Variants in PLCB1 observed in about 807,000 individuals in gnomAD.
PLCB1 encodes 1-phosphatidylinositol 4,5-bisphosphate phosphodiesterase beta-1.
Under a neutral mutation model 161.8 loss-of-function variants are expected in PLCB1, and 46 were observed. The ratio of observed to expected loss-of-function variants is 0.28; its 90% CI spans 0.22 to 0.36. The LOEUF is 0.36. Ranked by LOEUF, PLCB1 falls within the 10% of genes least tolerant of loss-of-function variation. PLCB1 has a pLI of 1.00. For synonymous variants in PLCB1, 517 were observed against 503.7 expected (o/e 1.03, Z -0.35); for missense variants, 1,016 against 1,472.5 (o/e 0.69, Z 5.07).
At position 8,470,490 on chromosome 20, in the gene PLCB1, C is replaced by T. The variant is rs1982004394; in HGVS notation, c.246+99040C>T. 2.6e-5 allele frequency among the ~76,000 whole-genome samples: 4 copies of T among 152,210 alleles called. No homozygotes were observed. The South Asian group carries it at 8.3e-4, about 32-fold the overall frequency. On this transcript the variant is annotated intron_variant, in intron 3 of 31. Transcript: ENST00000338037. ...GGTATCTTGTTGTGGTTTTGATGTG[C>T]ATTTCCCTAATCCTAGTGATGCTGA...
chr20:8,315,164 CAGGGATCCTGT>C (rs1984582647), intron 2 of PLCB1, among the ~76,000 whole-genome samples: 1 of 152,134 alleles, frequency 6.6e-6, no homozygotes, highest in Admixed American at 6.5e-5. Flanking sequence ...TTGGACTAAG[CAGGGATCCTGT>C]AGGAGAAGCT....
At chr20:8,344,508 C>G (rs1341732492) in intron 2 of PLCB1, among the ~76,000 whole-genome samples, 1 of 152,208 alleles carries the variant, frequency 6.6e-6, no homozygotes, top group Non-Finnish European at 1.5e-5. Context: ...TTATTATTTT[C>G]CCATTTCATG....
At chr20:8,867,347 G>A (rs1047966755) in intron 31 of PLCB1, among the ~76,000 whole-genome samples, 2 of 152,224 alleles carry the variant, frequency 1.3e-5, no homozygotes, top group Non-Finnish European at 2.9e-5. Context: ...TGGGACTCCA[G>A]GTTCTCTGAG....
chr20:8,367,927 C>T (rs1315648498), intron 2 of PLCB1, among the ~76,000 whole-genome samples: 1 of 152,276 alleles, frequency 6.6e-6, no homozygotes, highest in East Asian at 1.9e-4. Context: ...TTTGAATCAT[C>T]GCTTTGTAGC....
chr20:8,684,855 GAAA>G (rs61201694), intron 9 of PLCB1, 74 bp from the exon 10 acceptor site: 805 of 974,950 alleles, frequency 8.3e-4, no homozygotes, highest in Admixed American at 1.3e-3. Flanking sequence ...GATATTTCTG[GAAA>G]AAAAAAAAAA....
chr20:8,532,490 C>T (rs1984854651), intron 3 of PLCB1, among the ~76,000 whole-genome samples: 1 of 152,174 alleles, frequency 6.6e-6, no homozygotes, highest in Non-Finnish European at 1.5e-5. Flanking sequence ...TTTCCATTTC[C>T]CTGTCATAAG....
At chr20:8,564,076 C>T (rs1422706536) in intron 3 of PLCB1, among the ~76,000 whole-genome samples, 4 of 152,148 alleles carry the variant, frequency 2.6e-5, no homozygotes, top group Admixed American at 2.6e-4. Context: ...GGAGACATCA[C>T]ACTACCTGAC....
intron 3 of PLCB1, among the ~76,000 whole-genome samples, chr20:8,559,412 G>A (rs1986070997): frequency 6.6e-6 from 1 of 151,798 alleles, no homozygotes; most frequent in African/African-American, 2.4e-5. Flanking sequence ...AAACAGGAAA[G>A]ATAAGACATA....
intron 3 of PLCB1, among the ~76,000 whole-genome samples, chr20:8,569,640 A>G (rs1417026268): frequency 6.6e-6 from 1 of 152,218 alleles, no homozygotes; most frequent in Non-Finnish European, 1.5e-5. Flanking sequence ...TAAGTAGATT[A>G]TAGTGTATGC....
At chr20:8,223,809 A>C (rs1979538282) in intron 2 of PLCB1, among the ~76,000 whole-genome samples, 1 of 152,038 alleles carries the variant, frequency 6.6e-6, no homozygotes, top group Non-Finnish European at 1.5e-5. Flanking sequence ...GATTCAAAGA[A>C]CTCTCATTCT....
chr20:8,353,115 A>T (rs1301366987), intron 2 of PLCB1, among the ~76,000 whole-genome samples: 1 of 152,084 alleles, frequency 6.6e-6, no homozygotes, highest in Non-Finnish European at 1.5e-5. Flanking sequence ...GGCTGATTCT[A>T]GAGCTGGGGA....
In PLCB1 at chr20:8,262,633, C is replaced by A. The variant is rs112239045; in HGVS notation, c.178-108749C>A. 4.0e-3 allele frequency among the ~76,000 whole-genome samples: 612 copies of A among 152,258 alleles called. 4 individuals are homozygous for A. The highest frequency in any genetic ancestry group is 0.014 in the African/African-American group (578 of 41,534). On this transcript the variant is annotated intron_variant, in intron 2 of 31. Transcript: ENST00000338037. ...AGCTTCATTATCTGAATGTTTTATGCTCCCCAAAATTTGAGCTCTCTTTTC... is the reference window on the plus strand; with the variant it reads ...AGCTTCATTATCTGAATGTTTTATGATCCCCAAAATTTGAGCTCTCTTTTC...
chr20:8,388,693 T>C (rs1987503015), intron 3 of PLCB1, among the ~76,000 whole-genome samples: 1 of 152,210 alleles, frequency 6.6e-6, no homozygotes, highest in South Asian at 2.1e-4. Flanking sequence ...TATAAATGTG[T>C]TTTTATTTAC....
chr20:8,138,826 G>C (rs1178302516), intron 1 of PLCB1, among the ~76,000 whole-genome samples: 1 of 152,008 alleles, frequency 6.6e-6, no homozygotes, highest in East Asian at 1.9e-4. Context: ...AAGAGCTAAT[G>C]TTCGATTTTA....
At chr20:8,858,599 A>G (rs1321821355) in intron 31 of PLCB1, among the ~76,000 whole-genome samples, 4 of 152,134 alleles carry the variant, frequency 2.6e-5, no homozygotes. Context: ...CAGAGATTGT[A>G]TGATTCCACT....
chr20:8,821,488 A>G lies in PLCB1; in HGVS notation c.3423+31227A>G, dbSNP rs1214986934. ...GCAAGATTCCGTCTCAAAAAAAAAA[A>G]AAAAAAAAATATGTATATATATATA... On this transcript the variant is annotated intron_variant, in intron 31 of 31. Transcript: ENST00000338037. Among the ~76,000 whole-genome samples, 57 of 44,384 alleles carry G rather than the reference A, an allele frequency of 1.3e-3. 5 individuals carry two copies. Among genetic ancestry groups the G allele is most frequent in the African/African-American group, 5.3e-3 (57 of 10,798 alleles). 29.1% of individuals were successfully genotyped at this position (44,384 alleles called of 152,430 possible). A position where few individuals can be genotyped will look rare whatever the true frequency, so the allele number is the denominator to read the frequency against.
chr20:8,341,290 TAG>T (rs1568638764), intron 2 of PLCB1, among the ~76,000 whole-genome samples: 4 of 152,184 alleles, frequency 2.6e-5, no homozygotes, highest in Non-Finnish European at 2.9e-5. Flanking sequence ...GAAGACTTTG[TAG>T]AGAGTCTTCA....
intron 10 of PLCB1, among the ~76,000 whole-genome samples, chr20:8,695,678 G>T (rs977526497): frequency 2.6e-5 from 4 of 152,046 alleles, no homozygotes; most frequent in Non-Finnish European, 5.9e-5. Context: ...CTCTAGCCTC[G>T]GTGACAGAGT....
At chr20:8,141,511 C>T (rs1365038201) in intron 1 of PLCB1, among the ~76,000 whole-genome samples, 1 of 151,404 alleles carries the variant, frequency 6.6e-6, no homozygotes. Context: ...TAATCCCGAC[C>T]ACTCGAGAGG....
Sources: allele counts gnomAD v4.1 joint callset (sites outside exome capture counted in the v4.1 genomes callset), GRCh38; gene constraint gnomAD v4.1.1; transcripts MANE v1.5; gene names NCBI Gene and HGNC (gene_info 2026-07-23, HGNC 2026-07-21).